PDE1C: variants seen among roughly 807,000 people sequenced by gnomAD.
The protein encoded by PDE1C is phosphodiesterase 1C.
A neutral mutation model predicts 93.1 loss-of-function variants in PDE1C; 62 were observed. That is an observed-to-expected ratio of 0.67 (90% confidence interval 0.54 to 0.82). PDE1C has a LOEUF of 0.82. Among genes scored for constraint, PDE1C ranks in the 40% least tolerant of loss-of-function variants. The pLI is 0.00. For synonymous variants in PDE1C, 325 were observed against 310.1 expected, an observed-to-expected ratio of 1.05 and a Z score of -0.50; for missense variants, 742 against 884.6, an observed-to-expected ratio of 0.84 and a Z score of 2.04.
chr7:32,419,357 G>A (rs539513355), intron 1 of PDE1C, among the ~76,000 whole-genome samples: 1 of 152,136 alleles, frequency 6.6e-6, no homozygotes, highest in Non-Finnish European at 1.5e-5. Context: ...AGTAGGTATA[G>A]AGAACAACAG....
At chr7:31,738,788 G>C in the PDE1C span, among the ~76,000 whole-genome samples, 4 of 152,164 alleles carry the variant, frequency 2.6e-5, no homozygotes, top group Admixed American at 2.0e-4. Context: ...TGCCACCTGT[G>C]TCACCTGAAG....
chr7:32,299,223 T>C (rs1429786216), exon 1 of PDE1C: 10 of 988,700 alleles, frequency 1.0e-5, no homozygotes, highest in African/African-American at 1.7e-5. Flanking sequence ...CTTCTAGATA[T>C]GTTTTCTCTG....
chr7:32,014,073 T>C (rs1216441518), intron 2 of PDE1C, among the ~76,000 whole-genome samples: 3 of 152,236 alleles, frequency 2.0e-5, no homozygotes, highest in Non-Finnish European at 4.4e-5. Context: ...TGGGTGGCCC[T>C]GTGGGGTTAT....
rs1785269957 is a variant in PDE1C, at chr7:32,416,010, CAGGGTGG to C, written c.310+11805_310+11811del. 4.6e-5 allele frequency among the ~76,000 whole-genome samples: 7 copies of C among 152,310 alleles called. No homozygotes were observed. In the South Asian group the frequency reaches 1.5e-3, roughly 32 times the overall value. On this transcript the variant is annotated intron_variant, in intron 1 of 1. Coordinates refer to the PDE1C transcript ENST00000672256. ...AGAGGGCCCAGGTGCCAGGCTCCAC[CAGGGTGG>C]AGGGGCAACGGTGCCCTCCCTGATG...
rs562583525 is a variant in PDE1C, at chr7:32,404,164, G to A, written c.310+23658C>T. On this transcript the variant is annotated intron_variant, in intron 1 of 1. Coordinates refer to the PDE1C transcript ENST00000672256. ...AAGCTCTCTGTGCTTCCCTTTTCTCGTGGCTGCAATGGGAATTGCCATGGT... is the reference window on the plus strand; with the variant it reads ...AAGCTCTCTGTGCTTCCCTTTTCTCATGGCTGCAATGGGAATTGCCATGGT... Among the ~76,000 whole-genome samples the A allele has an allele frequency of 6.6e-5, 10 of 152,192 alleles. No homozygotes were observed. The South Asian group carries it at 2.1e-3, about 32-fold the overall frequency.
chr7:31,975,791 T>C (rs368118149), intron 2 of PDE1C, among the ~76,000 whole-genome samples: 1 of 152,208 alleles, frequency 6.6e-6, no homozygotes. Context: ...GCCACTTAGA[T>C]ATGATTTCAC....
At chr7:32,426,190 T>C (rs1368594573) in intron 1 of PDE1C, among the ~76,000 whole-genome samples, 1 of 152,184 alleles carries the variant, frequency 6.6e-6, no homozygotes, top group Non-Finnish European at 1.5e-5. Context: ...ACTCTTGTAC[T>C]ATATTTATGA....
chr7:32,242,213 G>C (rs1321729923), intron 1 of PDE1C, among the ~76,000 whole-genome samples: 1 of 152,120 alleles, frequency 6.6e-6, no homozygotes, highest in Non-Finnish European at 1.5e-5. Flanking sequence ...TGATTGTAAT[G>C]GTAGCCCATG....
intron 3 of PDE1C, among the ~76,000 whole-genome samples, chr7:32,079,268 G>T (rs773874622): frequency 6.6e-6 from 1 of 152,192 alleles, no homozygotes; most frequent in Non-Finnish European, 1.5e-5. Context: ...CTCCAGTTTT[G>T]CACCATGGAT....
chr7:32,204,335 C>T (rs556010705), intron 2 of PDE1C, among the ~76,000 whole-genome samples: 7 of 152,220 alleles, frequency 4.6e-5, no homozygotes, highest in East Asian at 1.9e-4. Flanking sequence ...AAAGTGAAAC[C>T]GCAGATAAGG....
downstream of PDE1C, among the ~76,000 whole-genome samples, chr7:31,746,932 A>T (rs573802190): frequency 2.6e-5 from 4 of 152,324 alleles, no homozygotes; most frequent in Non-Finnish European, 5.9e-5. Flanking sequence ...CCAGAGGTCC[A>T]AATGTGTGGG....
At chr7:32,049,744 A>G (rs928175558) in intron 2 of PDE1C, among the ~76,000 whole-genome samples, 21 of 152,332 alleles carry the variant, frequency 1.4e-4, no homozygotes, top group Admixed American at 3.3e-4. Flanking sequence ...CAAGTCAAGT[A>G]CAATGAAAGC....
chr7:31,695,400 CCAAA>C, the PDE1C span: 8 of 1,436,954 alleles, frequency 5.6e-6, no homozygotes, highest in African/African-American at 1.4e-5. Context: ...CAATTAGGAA[CCAAA>C]CAGTTTGTGA....
At chr7:32,098,326 C>G (rs1797874427) in intron 3 of PDE1C, among the ~76,000 whole-genome samples, 2 of 151,438 alleles carry the variant, frequency 1.3e-5, no homozygotes, top group East Asian at 3.9e-4. Flanking sequence ...ATGAAGTTCC[C>G]AAAAGTTAAG....
intron 1 of PDE1C, among the ~76,000 whole-genome samples, chr7:32,335,200 G>A (rs1217745466): frequency 6.6e-6 from 1 of 152,146 alleles, no homozygotes; most frequent in Non-Finnish European, 1.5e-5. Flanking sequence ...ATTGCCTAAG[G>A]GGTCAATGTG....
At chr7:31,919,009 T>C (rs1802282031) in intron 2 of PDE1C, among the ~76,000 whole-genome samples, 1 of 152,178 alleles carries the variant, frequency 6.6e-6, no homozygotes, top group African/African-American at 2.4e-5. Flanking sequence ...CAAATAATAA[T>C]AATAATCAGC....
the PDE1C span, among the ~76,000 whole-genome samples, chr7:31,629,224 C>A: frequency 2.6e-5 from 4 of 152,110 alleles, no homozygotes; most frequent in East Asian, 7.7e-4. Context: ...TCCTTTTTGT[C>A]TCAGGAATAT....
At chr7:31,747,113 GTTGGATGACAGGAGC>G (rs977626685), downstream of PDE1C, among the ~76,000 whole-genome samples, 5 of 152,196 alleles carry the variant, frequency 3.3e-5, no homozygotes, top group Non-Finnish European at 7.3e-5. Flanking sequence ...TGAATTCTAT[GTTGGATGACAGGAGC>G]ATGGTTGAAT....
intron 1 of PDE1C, among the ~76,000 whole-genome samples, chr7:32,375,288 G>C (rs1305061500): frequency 2.6e-5 from 4 of 152,130 alleles, no homozygotes; most frequent in Non-Finnish European, 5.9e-5. Flanking sequence ...GGAAGGCGCA[G>C]GGCAGAATAT....
Sources: gnomAD v4.1 joint callset for allele counts (sites outside exome capture counted in the v4.1 genomes callset) on GRCh38, gnomAD v4.1.1 for gene constraint, MANE v1.5 for transcripts, NCBI Gene and HGNC (gene_info 2026-07-23, HGNC 2026-07-21) for gene names.